The following FAM135B variants were observed in gnomAD, a reference collection of about 807,000 sequenced individuals.
The protein encoded by FAM135B is family with sequence similarity 135 member B, also known as protein FAM135B.
Under a neutral mutation model 127.7 loss-of-function variants are expected in FAM135B, and 43 were observed. That is an observed-to-expected ratio of 0.34 (90% CI 0.26 to 0.43). The LOEUF (loss-of-function observed/expected upper bound fraction) is 0.43. FAM135B is among the 20% of genes least tolerant of loss of function. The pLI, the probability that FAM135B is intolerant of heterozygous loss-of-function variation, is 1.00. For missense variants in FAM135B, 1,558 were observed against 1,725.6 expected (o/e 0.90, Z 1.72); for synonymous variants, 670 against 665.1 (o/e 1.01, Z -0.11).
At chr8:138,343,052 G>T (rs768724741) in intron 2 of FAM135B, among the ~76,000 whole-genome samples, 2 of 152,168 alleles carry the variant, frequency 1.3e-5, no homozygotes, top group Admixed American at 6.5e-5. Context: ...CTTAAAATAC[G>T]CATTCATTTA....
chr8:138,218,250 C>G (rs554858505), intron 7 of FAM135B, among the ~76,000 whole-genome samples: 1 of 152,236 alleles, frequency 6.6e-6, no homozygotes, highest in South Asian at 2.1e-4. Flanking sequence ...CTAATTAAAG[C>G]TCTACTAAAA....
intron 1 of FAM135B, among the ~76,000 whole-genome samples, chr8:138,402,503 A>C (rs575475985): frequency 1.9e-4 from 29 of 152,278 alleles, no homozygotes; most frequent in Non-Finnish European, 3.5e-4. Flanking sequence ...ACCATTATAA[A>C]CAACATAGCC....
chr8:138,497,414 C>G (rs1012931081), upstream of FAM135B, among the ~76,000 whole-genome samples: 7 of 151,622 alleles, frequency 4.6e-5, no homozygotes, highest in African/African-American at 1.5e-4. Context: ...TGCGGCCCTC[C>G]CAGACTGACC....
intron 2 of FAM135B, 73 bp from the exon 3 acceptor site, chr8:138,310,993 T>A: frequency 1.6e-6 from 2 of 1,229,916 alleles, no homozygotes; most frequent in African/African-American, 1.5e-5. Context: ...TACCTAGAAT[T>A]AATCCTGAAA....
At chr8:138,293,522 C>T (rs1404052534) in intron 3 of FAM135B, among the ~76,000 whole-genome samples, 1 of 152,006 alleles carries the variant, frequency 6.6e-6, no homozygotes. Flanking sequence ...GACTAATATC[C>T]AGAATCTACA....
intron 1 of FAM135B, among the ~76,000 whole-genome samples, chr8:138,384,959 G>T (rs934478930): frequency 1.3e-5 from 2 of 152,128 alleles, no homozygotes; most frequent in Non-Finnish European, 2.9e-5. Context: ...CGTTCCTTCA[G>T]TTAATGAGTT....
rs72723657 is a variant in FAM135B, at chr8:138,241,671, C to T, written c.669+1271G>A. Among the ~76,000 whole-genome samples the T allele has an allele frequency of 0.13, 19,218 of 152,164 alleles. 1,292 individuals are homozygous for T. Among genetic ancestry groups the T allele is most frequent in the Admixed American group, 0.16 (2,376 of 15,270 alleles). On this transcript the variant is annotated intron_variant, in intron 7 of 19. Coordinates refer to ENST00000395297, the MANE Select transcript of FAM135B (RefSeq NM_015912.4). The surrounding 1 kb of genome is among the most constrained non-coding windows in gnomAD (Gnocchi z 4.8). ...CACCTCTTTTGCGGGGCTGACTGGG[C>T]ATGGACAGTTTATCACACTTATAAT...
At chr8:138,340,640 G>A (rs116873222) in intron 2 of FAM135B, among the ~76,000 whole-genome samples, 1 of 152,194 alleles carries the variant, frequency 6.6e-6, no homozygotes, top group Non-Finnish European at 1.5e-5. Flanking sequence ...CCCTCCTGCT[G>A]GCCAGCATCC....
chr8:138,369,229 G>A (rs897743221), intron 1 of FAM135B, among the ~76,000 whole-genome samples: 2 of 152,150 alleles, frequency 1.3e-5, no homozygotes, highest in African/African-American at 2.4e-5. Context: ...GGGAGAGAAT[G>A]AGAGAGAAGG....
chr8:138,463,556 T>C (rs1245739841), intron 1 of FAM135B, among the ~76,000 whole-genome samples: 1 of 152,122 alleles, frequency 6.6e-6, no homozygotes, highest in Non-Finnish European at 1.5e-5. Context: ...GTAAATGGCT[T>C]GTCTGGGTGT....
intron 1 of FAM135B, among the ~76,000 whole-genome samples, chr8:138,374,202 C>A (rs1831322315): frequency 6.6e-6 from 1 of 152,136 alleles, no homozygotes; most frequent in African/African-American, 2.4e-5. Context: ...TATTTCTCAA[C>A]CCAGCTGATG....
rs537623369 is a variant in FAM135B, at chr8:138,167,804, A to G, written c.1258+91T>C. ...CATAATCCTTCATTAATTTGGTCTC[A>G]CTTTTGCTGGAATATAAACAAACTG... On this transcript the variant is annotated intron_variant, in intron 12 of 19. Coordinates refer to ENST00000395297, the MANE Select transcript of FAM135B (RefSeq NM_015912.4). The G allele has an allele frequency of 5.7e-6, 8 of 1,415,344 alleles. No homozygotes were observed. The African/African-American group carries it at 1.2e-4, about 21-fold the overall frequency. The allele number at this position is 1,415,344 out of a possible 1,614,324, so 87.7% of individuals were successfully genotyped here.
chr8:138,478,618 C>A (rs1285893940), intron 1 of FAM135B, among the ~76,000 whole-genome samples: 1 of 152,150 alleles, frequency 6.6e-6, no homozygotes, highest in East Asian at 1.9e-4. Flanking sequence ...AATACACTGG[C>A]TCTACCTACC....
At chr8:138,455,601 T>G (rs548821621) in intron 1 of FAM135B, among the ~76,000 whole-genome samples, 5 of 152,154 alleles carry the variant, frequency 3.3e-5, no homozygotes, top group Admixed American at 6.6e-5. Flanking sequence ...AAGAGACAAC[T>G]GAGGAAGAAA....
rs137858164 is a variant in FAM135B at position 138,168,171 on chromosome 8, A to G, written c.1104-122T>C. ...AGCTGACTCTGGCAATTGTCTGCCC[A>G]TCATCCTTTTCTTCCACCCACCTAC... On this transcript the variant is annotated intron_variant, in intron 11 of 19. Coordinates refer to ENST00000395297, the MANE Select transcript of FAM135B (RefSeq NM_015912.4). 1,920 of 1,161,350 alleles carry G rather than the reference A, an allele frequency of 1.7e-3. 24 individuals are homozygous for G. In the African/African-American group the frequency reaches 0.024, roughly 15 times the overall value. The allele number at this position is 1,161,350 out of a possible 1,614,324, so 71.9% of individuals were successfully genotyped here.
intron 7 of FAM135B, among the ~76,000 whole-genome samples, chr8:138,222,361 T>C (rs1202826895): frequency 6.6e-6 from 1 of 152,102 alleles, no homozygotes; most frequent in Non-Finnish European, 1.5e-5. Context: ...ATTGGTGCAA[T>C]TATCTATTTA....
chr8:138,303,858 G>C (rs1356370703), intron 3 of FAM135B, among the ~76,000 whole-genome samples: 1 of 152,094 alleles, frequency 6.6e-6, no homozygotes, highest in Non-Finnish European at 1.5e-5. Flanking sequence ...TCCTATCATT[G>C]CTATTCCCAT....
chr8:138,285,823 C>T (rs993255387), intron 3 of FAM135B, among the ~76,000 whole-genome samples: 6 of 152,174 alleles, frequency 3.9e-5, no homozygotes, highest in Non-Finnish European at 7.4e-5. Flanking sequence ...GTGAAGCTTT[C>T]GAACAGGATT....
intron 1 of FAM135B, among the ~76,000 whole-genome samples, chr8:138,462,028 C>T (rs73717274): frequency 0.04 from 6,021 of 151,534 alleles, 184 homozygotes; most frequent in East Asian, 0.14. Context: ...CCAAGGTTGG[C>T]TTGATAGATG....
Sources: gnomAD v4.1 joint callset for allele counts (sites outside exome capture counted in the v4.1 genomes callset) on GRCh38, gnomAD v4.1.1 for gene constraint, Gnocchi (gnomAD v3.1) non-coding constraint, MANE v1.5 for transcripts, NCBI Gene and HGNC (gene_info 2026-07-23, HGNC 2026-07-21) for gene names.